COL21A1: variants seen among roughly 807,000 people sequenced by gnomAD.
COL21A1 encodes collagen type XXI alpha 1 chain, also known as collagen alpha-1(XXI) chain.
Under a neutral mutation model 137.9 loss-of-function variants are expected in COL21A1, and 149 were observed. That is an observed-to-expected ratio of 1.08 (90% CI 0.95 to 1.24). COL21A1 has a LOEUF of 1.24. Among genes scored for constraint, COL21A1 ranks in the 50% most tolerant of loss-of-function variants. COL21A1 has a pLI of 0.00. For synonymous variants in COL21A1, 456 were observed against 391.5 expected (o/e 1.16, Z -1.95); for missense variants, 1,167 against 1,158.4 (o/e 1.01, Z -0.11).
intron 19 of COL21A1, among the ~76,000 whole-genome samples, 156 bp from the exon 20 acceptor site, chr6:56,074,441 C>T (rs763277053): frequency 7.9e-5 from 12 of 151,514 alleles, no homozygotes; most frequent in Non-Finnish European, 1.5e-4. Flanking sequence ...CTCCACCATA[C>T]ATCCATAGAG....
rs1769323495 is a variant in COL21A1, at chr6:56,096,344, T to G, written c.1812+5128A>C. Among the ~76,000 whole-genome samples the G allele has an allele frequency of 2.0e-5, 3 of 152,108 alleles. No individual in the cohort carries two copies. In the South Asian group the frequency reaches 6.2e-4, roughly 32 times the overall value. On this transcript the variant is annotated intron_variant, in intron 17 of 29. Coordinates refer to ENST00000244728, the MANE Select transcript of COL21A1 (RefSeq NM_030820.4). ...AATTAATCTTCATATTCTCCTCAATTAGTACAATGTCTGGCACAAAGTAGA... is the reference window on the plus strand; with the variant it reads ...AATTAATCTTCATATTCTCCTCAATGAGTACAATGTCTGGCACAAAGTAGA...
intron 1 of COL21A1, among the ~76,000 whole-genome samples, chr6:56,201,240 C>A (rs1779388869): frequency 6.6e-6 from 1 of 151,960 alleles, no homozygotes; most frequent in South Asian, 2.1e-4. Flanking sequence ...AAAATTTTCT[C>A]CCATTCTGTA....
intron 1 of COL21A1, among the ~76,000 whole-genome samples, chr6:56,342,796 G>A (rs60152592): frequency 0.14 from 21,843 of 152,124 alleles, 2,098 homozygotes; most frequent in African/African-American, 0.28. Context: ...AGAGAACCAC[G>A]ATCTGAATCT....
At chr6:56,272,264 C>A (rs1763546721) in intron 1 of COL21A1, among the ~76,000 whole-genome samples, 1 of 152,196 alleles carries the variant, frequency 6.6e-6, no homozygotes, top group South Asian at 2.1e-4. Flanking sequence ...GGATGTGAGA[C>A]CTGGAGTCAT....
Position 56,320,458 on chromosome 6 carries a change from A to G in COL21A1, c.-39+73513T>C, listed in dbSNP as rs113699739. Among the ~76,000 whole-genome samples, 1,060 of 151,856 alleles carry G rather than the reference A, an allele frequency of 7.0e-3. 10 individuals are homozygous for G. The highest frequency in any genetic ancestry group is 0.024 in the African/African-American group (992 of 41,418). On this transcript the variant is annotated intron_variant, in intron 1 of 28. Coordinates refer to the COL21A1 transcript ENST00000370819. Reference sequence around the variant, plus strand: ...AACTCAAAGCCCTAAATACCTTCCTATCTTATCCAGGGTCAATTTCAAAGT... The same window carrying G: ...AACTCAAAGCCCTAAATACCTTCCTGTCTTATCCAGGGTCAATTTCAAAGT...
intron 1 of COL21A1, among the ~76,000 whole-genome samples, chr6:56,359,795 T>C (rs1325352570): frequency 2.6e-5 from 4 of 152,176 alleles, no homozygotes; most frequent in African/African-American, 7.2e-5. Flanking sequence ...TGTTCTATTA[T>C]GTGAGTCTGA....
At chr6:56,359,306 T>G (rs1303836300) in intron 1 of COL21A1, among the ~76,000 whole-genome samples, 1 of 152,226 alleles carries the variant, frequency 6.6e-6, no homozygotes, top group Non-Finnish European at 1.5e-5. Flanking sequence ...CTGGGCCCCG[T>G]GGGCTCTGTT....
At chr6:56,237,911 G>T (rs1925152) in intron 1 of COL21A1, among the ~76,000 whole-genome samples, 91,278 of 151,894 alleles carry the variant, frequency 0.6, 28,096 homozygotes, top group East Asian at 0.81. Context: ...CTCCACAGCT[G>T]TATTCTATAA....
At chr6:56,062,893 G>C (rs2206673) in intron 24 of COL21A1, among the ~76,000 whole-genome samples, 150,723 of 152,268 alleles carry the variant, frequency 0.99, 74,597 homozygotes, top group East Asian at 1. Context: ...AAACTAAAAA[G>C]AGCTGTCATC....
At chr6:56,346,308 C>T (rs1023642684) in intron 1 of COL21A1, among the ~76,000 whole-genome samples, 2 of 152,212 alleles carry the variant, frequency 1.3e-5, no homozygotes, top group South Asian at 4.1e-4. Flanking sequence ...ATTGGTTTGC[C>T]TATTCCTCAA....
chr6:56,204,906 A>C (rs1779662233), intron 1 of COL21A1, among the ~76,000 whole-genome samples: 1 of 152,198 alleles, frequency 6.6e-6, no homozygotes, highest in African/African-American at 2.4e-5. Context: ...GACTGTTAGA[A>C]GGAAAACTAA....
intron 1 of COL21A1, among the ~76,000 whole-genome samples, chr6:56,188,152 A>G (rs1304843271): frequency 6.6e-6 from 1 of 152,236 alleles, no homozygotes; most frequent in South Asian, 2.1e-4. Context: ...GTTTACATGT[A>G]TATGTGAAGA....
At chr6:56,098,568 T>A (rs866118534) in intron 17 of COL21A1, among the ~76,000 whole-genome samples, 410 of 14,562 alleles carry the variant, frequency 0.028, 46 homozygotes, top group African/African-American at 0.1. Context: ...AATATATAAA[T>A]ATATATAAAT....
intron 1 of COL21A1, among the ~76,000 whole-genome samples, chr6:56,373,860 G>A (rs949292597): frequency 6.6e-5 from 10 of 152,108 alleles, no homozygotes; most frequent in Admixed American, 2.0e-4. Context: ...TCTGTGTAAC[G>A]GAAATTGTAT....
intron 1 of COL21A1, among the ~76,000 whole-genome samples, chr6:56,295,179 T>C (rs182321892): frequency 9.6e-4 from 146 of 152,146 alleles, no homozygotes; most frequent in Admixed American, 2.3e-3. Context: ...ATTCAATTAT[T>C]CCAGTAGCAT....
At chr6:56,312,658 T>C (rs72870235) in intron 1 of COL21A1, among the ~76,000 whole-genome samples, 1 of 152,146 alleles carries the variant, frequency 6.6e-6, no homozygotes, top group Admixed American at 6.5e-5. Context: ...GAAGAGATTT[T>C]AGGACAGGAA....
At chr6:56,306,959 C>A (rs1040815578) in intron 1 of COL21A1, among the ~76,000 whole-genome samples, 1 of 152,116 alleles carries the variant, frequency 6.6e-6, no homozygotes, top group Non-Finnish European at 1.5e-5. Flanking sequence ...CCCTTAGCTG[C>A]AGGTCTGTTG....
intron 22 of COL21A1, 90 bp downstream of exon 22, chr6:56,068,956 A>G (rs1766497948): frequency 2.6e-6 from 2 of 783,722 alleles, no homozygotes. Context: ...ATATATTAAT[A>G]ACAAGTCCTA....
At chr6:56,139,390 G>A (rs1774240874) in intron 12 of COL21A1, among the ~76,000 whole-genome samples, 1 of 152,018 alleles carries the variant, frequency 6.6e-6, no homozygotes, top group Non-Finnish European at 1.5e-5. Flanking sequence ...GTGTGATTTG[G>A]GAGGTAAGCA....
Sources: allele counts gnomAD v4.1 joint callset (sites outside exome capture counted in the v4.1 genomes callset), GRCh38; gene constraint gnomAD v4.1.1; transcripts MANE v1.5; gene names NCBI Gene and HGNC (gene_info 2026-07-23, HGNC 2026-07-21).